Variants in PDE3A observed in about 807,000 individuals in gnomAD.
The protein encoded by PDE3A is phosphodiesterase 3A.
PDE3A carries 43 observed loss-of-function variants against 98.3 expected under a neutral mutation model. That is an observed-to-expected ratio of 0.44 (90% confidence interval 0.34 to 0.56). The LOEUF (loss-of-function observed/expected upper bound fraction) is 0.56. PDE3A is among the 20% of genes least tolerant of loss of function. PDE3A has a pLI of 0.01. For synonymous variants in PDE3A, 663 were observed against 567.9 expected (o/e 1.17, Z -2.38); for missense variants, 1,427 against 1,440.7 (o/e 0.99, Z 0.15).
At position 20,635,572 on chromosome 12, in the gene PDE3A, T is replaced by C. The variant is rs535330175; in HGVS notation, c.2001+516T>C. Among the ~76,000 whole-genome samples, 182 of 136,660 alleles carry C rather than the reference T, an allele frequency of 1.3e-3. 1 individual carries two copies. The highest frequency in any genetic ancestry group is 4.6e-3 in the African/African-American group (173 of 37,628). 89.7% of individuals were successfully genotyped at this position (136,660 alleles called of 152,430 possible). On this transcript the variant is annotated intron_variant, in intron 8 of 15. Transcript: ENST00000359062. ...CAGCCTGCGCAATAGAGGGAGACTC[T>C]GTCTCAAAAAAAAAAAAAAGAAAGA...
chr12:20,475,537 T>A (rs1945516898), intron 1 of PDE3A, among the ~76,000 whole-genome samples: 1 of 152,080 alleles, frequency 6.6e-6, no homozygotes, highest in African/African-American at 2.4e-5. Context: ...GAGACCAGCC[T>A]GGCCAACGTG....
intron 1 of PDE3A, among the ~76,000 whole-genome samples, chr12:20,455,536 G>A (rs1945139542): frequency 6.6e-6 from 1 of 152,116 alleles, no homozygotes; most frequent in African/African-American, 2.4e-5. Flanking sequence ...GTAGTAGGCA[G>A]GCACCAGATG....
intron 1 of PDE3A, among the ~76,000 whole-genome samples, chr12:20,493,681 A>T (rs1467933055): frequency 1.3e-5 from 2 of 152,026 alleles, no homozygotes; most frequent in Non-Finnish European, 2.9e-5. Flanking sequence ...CCAAGGCTGC[A>T]GTACAATGGC....
At chr12:20,643,405 A>G (rs1944691382) in intron 10 of PDE3A, among the ~76,000 whole-genome samples, 1 of 152,162 alleles carries the variant, frequency 6.6e-6, no homozygotes, top group Non-Finnish European at 1.5e-5. Context: ...TTGGGTTACC[A>G]GAGAATTAAT....
intron 1 of PDE3A, chr12:20,371,284 T>A (rs959903587): frequency 1.1e-5 from 10 of 873,544 alleles, no homozygotes; most frequent in Non-Finnish European, 1.4e-5. Context: ...TAAAAAAGCA[T>A]ACCGAAGGGT....
At chr12:20,433,461 C>T (rs10841520) in intron 1 of PDE3A, among the ~76,000 whole-genome samples, 26,559 of 152,002 alleles carry the variant, frequency 0.17, 2,627 homozygotes, top group Non-Finnish European at 0.21. Flanking sequence ...AATGTATTAT[C>T]TTGGGTACTG....
At chr12:20,654,409 A>G (rs1182169084) in intron 15 of PDE3A, among the ~76,000 whole-genome samples, 1 of 152,202 alleles carries the variant, frequency 6.6e-6, no homozygotes, top group Non-Finnish European at 1.5e-5. Context: ...ATATGATACA[A>G]AGATATCTTC....
intron 1 of PDE3A, among the ~76,000 whole-genome samples, chr12:20,377,567 A>G (rs1361172194): frequency 6.6e-6 from 1 of 151,756 alleles, no homozygotes; most frequent in Non-Finnish European, 1.5e-5. Flanking sequence ...TGAGATACTA[A>G]TGTCACCTCT....
chr12:20,528,450 C>T lies in PDE3A; in HGVS notation c.961-28210C>T, dbSNP rs560411198. Among the ~76,000 whole-genome samples the T allele has an allele frequency of 6.6e-5, 10 of 152,274 alleles. No individual in the cohort carries two copies. In the East Asian group the frequency reaches 1.9e-3, roughly 29 times the overall value. On this transcript the variant is annotated intron_variant, in intron 1 of 15. Coordinates refer to ENST00000359062, the MANE Select transcript of PDE3A (RefSeq NM_000921.5). ...AGGCACAAGGACAGAGAAGTTCAAC[C>T]TAGTGGAGAGCCAAGGTAAATGAAT... is the stretch of plus-strand genomic sequence containing the variant.
chr12:20,529,373 C>G (rs1033677733), intron 1 of PDE3A, among the ~76,000 whole-genome samples: 1 of 151,924 alleles, frequency 6.6e-6, no homozygotes, highest in Non-Finnish European at 1.5e-5. Flanking sequence ...AAACTGAGAC[C>G]CATATACTAA....
At chr12:20,507,204 A>T (rs1946135779) in intron 1 of PDE3A, among the ~76,000 whole-genome samples, 2 of 151,970 alleles carry the variant, frequency 1.3e-5, no homozygotes, top group Admixed American at 6.6e-5. Context: ...TACATAGCTA[A>T]TGGAAAAACC....
chr12:20,430,309 A>AT (rs962795275), intron 1 of PDE3A, among the ~76,000 whole-genome samples: 24 of 151,792 alleles, frequency 1.6e-4, no homozygotes, highest in East Asian at 3.9e-4. Flanking sequence ...AGGCCAAATG[A>AT]TTTTTTTTTA....
intron 14 of PDE3A, among the ~76,000 whole-genome samples, chr12:20,652,944 T>C (rs372510362): frequency 6.6e-6 from 1 of 152,196 alleles, no homozygotes; most frequent in Non-Finnish European, 1.5e-5. Flanking sequence ...AAATCATGTA[T>C]TGCCTTTCCT....
rs188923798 is a variant in PDE3A, at chr12:20,485,526, G to A, written c.961-71134G>A. On this transcript the variant is annotated intron_variant, in intron 1 of 15. Coordinates refer to ENST00000359062, the MANE Select transcript of PDE3A (RefSeq NM_000921.5). ...TTTGATTAGTGTTAATACATTTTCA[G>A]AGTACTTTATATTCTCAGGGCTTAG... Among the ~76,000 whole-genome samples, 519 of 152,124 alleles carry A rather than the reference G, an allele frequency of 3.4e-3. 4 individuals are homozygous for A. The highest frequency in any genetic ancestry group is 0.012 in the African/African-American group (495 of 41,488).
At chr12:20,673,679 A>G (rs1592173358) in intron 15 of PDE3A, among the ~76,000 whole-genome samples, 1 of 137,712 alleles carries the variant, frequency 7.3e-6, no homozygotes, top group East Asian at 2.3e-4. Flanking sequence ...GAAGGGGAAT[A>G]TCACACTGGG....
intron 1 of PDE3A, among the ~76,000 whole-genome samples, chr12:20,445,945 C>G (rs770335006): frequency 2.6e-5 from 4 of 152,150 alleles, no homozygotes; most frequent in Non-Finnish European, 5.9e-5. Context: ...TGACTGACTC[C>G]TTCCTTTCAC....
chr12:20,369,552 G>C lies in PDE3A; in HGVS notation c.268G>C (p.Glu90Gln). The change falls in exon 1 of 16, where the codon GAG becomes CAG. Residue 90 changes from glutamate to glutamine, a missense_variant. Transcript: ENST00000359062. ...CCGCGGGGAGGTCGGCTGTGACCTG[G>C]AGCAGTGTAAGGAGGCGGCGGCGGC... is the stretch of plus-strand genomic sequence containing the variant. ...LVRGEVGCDL[E>Q]QCKEAAAAEE... The C allele has an allele frequency of 6.4e-7, 1 of 1,559,412 alleles. No homozygotes were observed. Among genetic ancestry groups the C allele is most frequent in the Non-Finnish European group, 8.7e-7 (1 of 1,152,362 alleles).
intron 2 of PDE3A, among the ~76,000 whole-genome samples, chr12:20,572,690 A>G (rs554210204): frequency 6.6e-6 from 1 of 152,224 alleles, no homozygotes; most frequent in Non-Finnish European, 1.5e-5. Context: ...CCGTCACAGT[A>G]GAAGGGAATA....
intron 15 of PDE3A, among the ~76,000 whole-genome samples, chr12:20,669,788 A>C (rs1489655549): frequency 1.3e-5 from 2 of 152,250 alleles, no homozygotes; most frequent in South Asian, 2.1e-4. Context: ...GAAACTACAT[A>C]AACTAACGAG....
Sources: allele counts gnomAD v4.1 joint callset (sites outside exome capture counted in the v4.1 genomes callset), GRCh38; gene constraint gnomAD v4.1.1; transcripts MANE v1.5; gene names NCBI Gene and HGNC (gene_info 2026-07-23, HGNC 2026-07-21).